ATP7A: variants seen among roughly 807,000 people sequenced by gnomAD.
The protein encoded by ATP7A is copper-transporting ATPase 1.
In ATP7A, 7 loss-of-function variants were observed where a neutral mutation model predicts 83.5. The ratio of observed to expected loss-of-function variants is 0.08; its 90% confidence interval spans 0.05 to 0.16. The LOEUF (loss-of-function observed/expected upper bound fraction) is 0.16. ATP7A is among the 10% of genes least tolerant of loss of function. ATP7A has a pLI of 1.00. For synonymous variants in ATP7A, 354 were observed against 395.2 expected (o/e 0.90, Z 1.24); for missense variants, 940 against 1,120.8 (o/e 0.84, Z 2.30).
chrX:77,944,720 T>C (rs2077369172), intron 1 of ATP7A, among the ~76,000 whole-genome samples: 1 of 111,066 alleles, frequency 9.0e-6, no homozygotes, highest in South Asian at 3.8e-4. Flanking sequence ...TACCCTGCTC[T>C]CTCACTTGTT....
At chrX:77,969,172 G>A (rs782085897) in intron 1 of ATP7A, 22 of 1,209,518 alleles carry the variant, frequency 1.8e-5, no homozygotes, top group Middle Eastern at 2.3e-4. Flanking sequence ...AGTATCCTTC[G>A]GACTCTCATA....
intron 2 of ATP7A, among the ~76,000 whole-genome samples, chrX:77,980,887 C>G (rs902403803): frequency 9.0e-6 from 1 of 111,552 alleles, no homozygotes; most frequent in East Asian, 2.8e-4. Flanking sequence ...AGGCTGGTCT[C>G]GAACTCCTGA....
chrX:77,956,747 C>CTTTCTTTCTTTCT, intron 1 of ATP7A, among the ~76,000 whole-genome samples: 1 of 96,608 alleles, frequency 1.0e-5, no homozygotes, highest in African/African-American at 3.8e-5. Flanking sequence ...TTCTTTCTTT[C>CTTTCTTTCTTTCT]TTTCTTTCTT....
At chrX:77,927,849 G>T (rs1179295789) in intron 1 of ATP7A, among the ~76,000 whole-genome samples, 2 of 110,947 alleles carry the variant, frequency 1.8e-5, no homozygotes, top group Non-Finnish European at 3.8e-5. Context: ...TTATTGTTCA[G>T]TTCCCACCTA....
At chrX:78,010,505 CT>C (rs1386916234) in intron 7 of ATP7A, among the ~76,000 whole-genome samples, 2 of 102,756 alleles carry the variant, frequency 1.9e-5, no homozygotes, top group African/African-American at 7.2e-5. Context: ...TGTTCTTTTT[CT>C]GATAAAACAA....
chrX:77,924,300 TTG>T (rs1557223384), intron 1 of ATP7A: 1 of 112,362 alleles, frequency 8.9e-6, no homozygotes, highest in Non-Finnish European at 1.9e-5. Context: ...TGATAATTAT[TTG>T]TCTTGATTTC....
intron 1 of ATP7A, among the ~76,000 whole-genome samples, chrX:77,958,860 C>T (rs1269152834): frequency 1.9e-5 from 2 of 103,100 alleles, no homozygotes; most frequent in Non-Finnish European, 3.9e-5. Flanking sequence ...ATGATCTCAG[C>T]TCACTGCAAC....
intron 2 of ATP7A, among the ~76,000 whole-genome samples, chrX:77,972,415 C>T (rs782798713): frequency 2.7e-5 from 3 of 110,893 alleles, no homozygotes; most frequent in East Asian, 5.7e-4. Flanking sequence ...TGCAGTGGCA[C>T]GATCTCAGCT....
rs189333147 is a variant in ATP7A at position 78,029,756 on chromosome X, A to C, written c.3111+312A>C. Among the ~76,000 whole-genome samples, 10 of 112,143 alleles carry C rather than the reference A, an allele frequency of 8.9e-5. No individual in the cohort carries two copies. The East Asian group carries it at 2.8e-3, about 31-fold the overall frequency. On this transcript the variant is annotated intron_variant, in intron 15 of 22. Coordinates refer to ENST00000341514, the MANE Select transcript of ATP7A (RefSeq NM_000052.7). ...AGAAAGACAGAATAGGTGTTTGCCCAGGAAAATTTGCCAAACTCCAGCAGC... is the reference window on the plus strand; with the variant it reads ...AGAAAGACAGAATAGGTGTTTGCCCCGGAAAATTTGCCAAACTCCAGCAGC...
chrX:78,048,989 CAA>C lies in ATP7A; in HGVS notation c.*2421_*2422del, dbSNP rs1303151794. The C allele has an allele frequency of 5.9e-4, 66 of 111,703 alleles. No individual in the cohort carries two copies. The highest frequency in any genetic ancestry group is 2.1e-3 in the African/African-American group (66 of 30,772). The allele number at this position is 111,703 out of a possible 1,213,427, so 9.2% of individuals were successfully genotyped here. A position where few individuals can be genotyped will look rare whatever the true frequency, so the allele number is the denominator to read the frequency against. Reference sequence around the variant, plus strand: ...TAGCAGCTTGTAGTATTGAAATAATCAAAGAGATAATTTCAGCTCTTACAACA... The same window carrying C: ...TAGCAGCTTGTAGTATTGAAATAATCAGAGATAATTTCAGCTCTTACAACA... On this transcript the variant is annotated 3_prime_UTR_variant, in exon 23 of 23. Transcript: ENST00000341514.
chrX:78,020,733 A>G (rs782763362), intron 13 of ATP7A, among the ~76,000 whole-genome samples: 3 of 110,974 alleles, frequency 2.7e-5, no homozygotes, highest in African/African-American at 6.6e-5. Context: ...GTTGCCCAGG[A>G]TGGTCTCGAA....
chrX:77,916,722 A>G (rs938867346), intron 1 of ATP7A, among the ~76,000 whole-genome samples: 1 of 111,946 alleles, frequency 8.9e-6, no homozygotes, highest in Non-Finnish European at 1.9e-5. Context: ...AGTTGTGTGT[A>G]AATTGAATTT....
rs1299042888 is a variant in ATP7A, at chrX:78,050,103, A to G, written c.*3533A>G. On this transcript the variant is annotated 3_prime_UTR_variant, in exon 23 of 23. Transcript: ENST00000341514. ...TGGTATGAGTAACCAGATAGAGCAC[A>G]AAGCATGAGTTCTTGTTCTTCAGTT... 8.9e-6 allele frequency: 1 copy of G among 112,554 alleles called. No individual in the cohort carries two copies. The highest frequency in any genetic ancestry group is 1.9e-5 in the Non-Finnish European group (1 of 53,269). 9.3% of individuals were successfully genotyped at this position (112,554 alleles called of 1,213,427 possible).
chrX:78,011,252 A>T lies in ATP7A; in HGVS notation c.1946A>T (p.Gln649Leu). 1 of 1,206,880 alleles carries T rather than the reference A, an allele frequency of 8.3e-7. No homozygotes were observed. Among genetic ancestry groups the T allele is most frequent in the Non-Finnish European group, 1.1e-6 (1 of 891,218 alleles). The change falls in exon 8 of 23, where the codon CAA becomes CTA. Residue 649 changes from glutamine (Q) to leucine (L), a missense_variant and splice_region_variant. By Grantham distance (113) the Gln-to-Leu change is moderately radical. Around this residue, in one of 3 missense-constraint regions of ATP7A, gnomAD observed 204 missense variants for 185.8 expected, o/e 1.10. Transcript: ENST00000341514. ...TTAGATCATAAACGAGAAATAAGAC[A>T]GTAAGTACTTTGGAGTGTCAGTAAA... ...SHLDHKREIRQWRRSFLVSLF... is the reference protein window; with the variant it reads ...SHLDHKREIRLWRRSFLVSLF...
At chrX:77,991,454 T>G (rs868936277) in intron 4 of ATP7A, among the ~76,000 whole-genome samples, 3 of 108,727 alleles carry the variant, frequency 2.8e-5, no homozygotes, top group Non-Finnish European at 3.8e-5. Context: ...CACATTTTTG[T>G]TTTTTCATTC....
At chrX:77,971,191 A>G (rs951086212) in intron 1 of ATP7A, among the ~76,000 whole-genome samples, 1 of 111,997 alleles carries the variant, frequency 8.9e-6, no homozygotes, top group Non-Finnish European at 1.9e-5. Flanking sequence ...AGAGGAGGCC[A>G]GGTAAACTTG....
In ATP7A at chrX:78,031,563, T is replaced by C. The variant is rs782665277; in HGVS notation, c.3275T>C (p.Ile1092Thr). 1 of 1,210,825 alleles carries C rather than the reference T, an allele frequency of 8.3e-7. No homozygotes were observed. The highest frequency in any genetic ancestry group is 1.8e-5 in the South Asian group (1 of 56,985). ...AGTGAACACCCTCTAGGAACAGCCATAACCAAATATTGCAAACAGGTACAT... is the reference window on the plus strand; with the variant it reads ...AGTGAACACCCTCTAGGAACAGCCACAACCAAATATTGCAAACAGGTACAT... ...SNSEHPLGTA[I>T]TKYCKQELDT... Residue 1092 changes from isoleucine to threonine, a missense_variant, in exon 16 of 23, where the codon ATA becomes ACA. By Grantham distance (89) the Ile-to-Thr change is moderately conservative. Around this residue, in one of 3 missense-constraint regions of ATP7A, gnomAD observed 386 missense variants for 502.2 expected, o/e 0.77. Transcript: ENST00000341514.
At position 77,998,490 on chromosome X, in the gene ATP7A, C is replaced by T. The variant is rs1313711010; in HGVS notation, c.1349C>T (p.Pro450Leu). 7.4e-6 allele frequency: 9 copies of T among 1,209,226 alleles called. No individual in the cohort carries two copies. Among genetic ancestry groups the T allele is most frequent in the East Asian group, 3.0e-5 (1 of 33,785 alleles). Residue 450 changes from proline to leucine, a missense_variant, in exon 5 of 23, where the codon CCG (proline) becomes CTG (leucine). Coordinates refer to ENST00000341514, the MANE Select transcript of ATP7A (RefSeq NM_000052.7). The part of the protein sequence containing the change: ...FDATLSDTNE[P>L]LVVIAQPSSE... ...CCCTTTCTACCAGACACGAATGAGC[C>T]GTTGGTAGTAATAGCTCAGCCTTCA...
At chrX:78,025,624 A>C (rs2077938164) in intron 14 of ATP7A, among the ~76,000 whole-genome samples, 1 of 111,836 alleles carries the variant, frequency 8.9e-6, no homozygotes, top group African/African-American at 3.3e-5. Flanking sequence ...TCCTCAGGGC[A>C]CACAGGCATT....
Sources: gnomAD v4.1 joint callset for allele counts (sites outside exome capture counted in the v4.1 genomes callset) on GRCh38, gnomAD v4.1.1 for gene constraint, gnomAD v4.1.1 regional missense constraint, MANE v1.5 for transcripts, NCBI Gene and HGNC (gene_info 2026-07-23, HGNC 2026-07-21) for gene names.